SHISA9: variants seen among roughly 807,000 people sequenced by gnomAD.
The protein encoded by SHISA9 is protein shisa-9.
SHISA9 carries 13 observed loss-of-function variants against 38.0 expected under a neutral mutation model. That is an observed-to-expected ratio of 0.34 (90% CI 0.22 to 0.54). The LOEUF (loss-of-function observed/expected upper bound fraction) is 0.54. Ranked by LOEUF, SHISA9 falls within the 20% of genes least tolerant of loss-of-function variation. The probability of loss-of-function intolerance (pLI) is 0.91; values close to 1 mark genes in which losing one functional copy is unlikely to be tolerated. For synonymous variants in SHISA9, 275 were observed against 242.0 expected (o/e 1.14, Z -1.27); for missense variants, 538 against 575.8 (o/e 0.93, Z 0.67).
At chr16:13,483,699 T>C in the SHISA9 span, among the ~76,000 whole-genome samples, 1 of 151,992 alleles carries the variant, frequency 6.6e-6, no homozygotes, top group Admixed American at 6.6e-5. Flanking sequence ...CTGCTTTATA[T>C]CCTGGCGAAA....
chr16:13,023,481 C>T (rs1005207372), intron 2 of SHISA9, among the ~76,000 whole-genome samples: 10 of 152,188 alleles, frequency 6.6e-5, no homozygotes, highest in Non-Finnish European at 1.3e-4. Flanking sequence ...AATAAACATA[C>T]ATGTGCATGT....
intron 2 of SHISA9, among the ~76,000 whole-genome samples, chr16:13,141,591 C>T (rs369920359): frequency 1.6e-4 from 24 of 151,744 alleles, no homozygotes; most frequent in Non-Finnish European, 2.9e-4. Flanking sequence ...GGCTGAGTCA[C>T]GAGAATCGCT....
chr16:13,272,575 G>A, the SHISA9 span, among the ~76,000 whole-genome samples: 1 of 151,986 alleles, frequency 6.6e-6, no homozygotes, highest in Non-Finnish European at 1.5e-5. Flanking sequence ...ACCTAACAGA[G>A]GGTTATCAGA....
chr16:13,456,671 C>A, the SHISA9 span, among the ~76,000 whole-genome samples: 3 of 152,290 alleles, frequency 2.0e-5, no homozygotes, highest in African/African-American at 4.8e-5. Flanking sequence ...ATGATGGAGG[C>A]TTTAGGCCAT....
the SHISA9 span, among the ~76,000 whole-genome samples, chr16:13,469,425 AAGAAAGAAAG>A: frequency 2.5e-3 from 298 of 117,212 alleles, 4 homozygotes; most frequent in African/African-American, 9.0e-3. Flanking sequence ...AAGAAAGAAA[AAGAAAGAAAG>A]AGAAAGAAAG....
intron 2 of SHISA9, among the ~76,000 whole-genome samples, chr16:13,088,057 A>C (rs1407718260): frequency 6.6e-6 from 1 of 152,198 alleles, no homozygotes; most frequent in African/African-American, 2.4e-5. Context: ...CAGTTTTCGC[A>C]GTATCATTTA....
chr16:12,952,100 A>G (rs886394458), intron 2 of SHISA9, among the ~76,000 whole-genome samples: 1 of 152,216 alleles, frequency 6.6e-6, no homozygotes, highest in African/African-American at 2.4e-5. Flanking sequence ...GCTAATGCAG[A>G]CGTAAACATG....
the SHISA9 span, among the ~76,000 whole-genome samples, chr16:13,430,712 C>T: frequency 0.27 from 41,037 of 151,100 alleles, 6,748 homozygotes; most frequent in East Asian, 0.52. Flanking sequence ...TTGAAAGCAG[C>T]CTGGGCAATA....
chr16:13,251,418 T>G, the SHISA9 span, among the ~76,000 whole-genome samples: 1 of 152,176 alleles, frequency 6.6e-6, no homozygotes, highest in South Asian at 2.1e-4. Flanking sequence ...AGCTCTTGCT[T>G]TCTGACTCAG....
chr16:13,130,629 G>T (rs2050298289), intron 2 of SHISA9, among the ~76,000 whole-genome samples: 1 of 151,930 alleles, frequency 6.6e-6, no homozygotes, highest in African/African-American at 2.4e-5. Context: ...ATTTTCATAG[G>T]TTTAAAAAAA....
intron 2 of SHISA9, among the ~76,000 whole-genome samples, chr16:13,080,914 A>C (rs2073641119): frequency 6.6e-6 from 1 of 152,196 alleles, no homozygotes; most frequent in Non-Finnish European, 1.5e-5. Context: ...CCTGGTTTGC[A>C]GATGGTGGCT....
At chr16:13,464,104 A>C in the SHISA9 span, among the ~76,000 whole-genome samples, 10 of 152,230 alleles carry the variant, frequency 6.6e-5, no homozygotes, top group Admixed American at 2.0e-4. Flanking sequence ...TCCATGCCTC[A>C]GTTACCTTAT....
At chr16:13,080,456 A>G (rs2073635703) in intron 2 of SHISA9, among the ~76,000 whole-genome samples, 1 of 152,234 alleles carries the variant, frequency 6.6e-6, no homozygotes, top group Non-Finnish European at 1.5e-5. Flanking sequence ...TAAGATGTAA[A>G]GTCCCAAGAA....
chr16:13,245,041 G>A (rs1170631629), downstream of SHISA9, among the ~76,000 whole-genome samples: 2 of 151,614 alleles, frequency 1.3e-5, no homozygotes, highest in Non-Finnish European at 2.9e-5. Flanking sequence ...TCAGCCTCCC[G>A]AGTAGCTGGG....
At chr16:12,916,576 G>T in intron 1 of SHISA9, 112 bp from the exon 2 acceptor site, 1 of 1,265,348 alleles carries the variant, frequency 7.9e-7, no homozygotes, top group Non-Finnish European at 1.1e-6. Flanking sequence ...TAGAATGGTG[G>T]CTCCATGGAG....
chr16:12,951,231 A>T (rs1165984986), intron 2 of SHISA9, among the ~76,000 whole-genome samples: 1 of 143,456 alleles, frequency 7.0e-6, no homozygotes, highest in African/African-American at 2.5e-5. Context: ...CAAAAAAAAA[A>T]AAAAAAAAAA....
the SHISA9 span, among the ~76,000 whole-genome samples, chr16:13,419,556 G>C: frequency 6.6e-6 from 1 of 152,216 alleles, no homozygotes; most frequent in African/African-American, 2.4e-5. Flanking sequence ...TTGAAGACAT[G>C]TGGGAAGTCT....
In SHISA9 at chr16:13,235,066, G is replaced by C. The variant is rs1448805454; in HGVS notation, c.932G>C (p.Arg311Pro). Residue 311 changes from arginine to proline, a missense_variant, in exon 5 of 5, where the codon CGG becomes CCG. Physicochemically the swap from Arg to Pro is moderately radical, Grantham distance 103. Transcript: ENST00000558583. ...KVNDDFYTKRRHLAELAAKGN... is the reference protein window; with the variant it reads ...KVNDDFYTKRPHLAELAAKGN... ...AATGACGACTTCTACACCAAGCGACGGCACCTGGCTGAGCTGGCTGCCAAG... is the reference window on the plus strand; with the variant it reads ...AATGACGACTTCTACACCAAGCGACCGCACCTGGCTGAGCTGGCTGCCAAG... 3.9e-6 allele frequency: 6 copies of C among 1,550,938 alleles called. No homozygotes were observed. Among genetic ancestry groups the C allele is most frequent in the Non-Finnish European group, 5.2e-6 (6 of 1,146,876 alleles).
the SHISA9 span, among the ~76,000 whole-genome samples, chr16:13,437,987 T>C: frequency 6.9e-6 from 1 of 144,092 alleles, no homozygotes; most frequent in East Asian, 2.2e-4. Context: ...CGTCTCAGCC[T>C]CCCAAGTAGC....
Sources: allele counts gnomAD v4.1 joint callset (sites outside exome capture counted in the v4.1 genomes callset), GRCh38; gene constraint gnomAD v4.1.1; transcripts MANE v1.5; gene names NCBI Gene and HGNC (gene_info 2026-07-23, HGNC 2026-07-21).